Variants in SNED1 observed in about 807,000 individuals in gnomAD.
The protein encoded by SNED1 is sushi, nidogen and EGF like domains 1, also known as sushi, nidogen and EGF-like domain-containing protein 1.
A neutral mutation model predicts 166.7 loss-of-function variants in SNED1; 81 were observed. The ratio of observed to expected loss-of-function variants is 0.49; its 90% confidence interval spans 0.41 to 0.58. SNED1 has a LOEUF of 0.58. Ranked by LOEUF, SNED1 falls within the 20% of genes least tolerant of loss-of-function variation. SNED1 has a pLI of 0.00. For synonymous variants in SNED1, 762 were observed against 822.0 expected (o/e 0.93, Z 1.25); for missense variants, 1,604 against 2,000.2 (o/e 0.80, Z 3.78).
chr2:241,016,188 A>ATT lies in SNED1; in HGVS notation c.214-14073_214-14072dup, dbSNP rs1181068532. 3.6e-3 allele frequency among the ~76,000 whole-genome samples: 250 copies of ATT among 68,666 alleles called. 9 individuals carry two copies. The highest frequency in any genetic ancestry group is 5.3e-3 in the Non-Finnish European group (190 of 35,702). The allele number at this position is 68,666 out of a possible 152,430, so 45.0% of individuals were successfully genotyped here. Reference sequence around the variant, plus strand: ...ACAAAAGCCCACTCTGTCATGGTGGATTTTTTTTTTTTTTTTTTTTTTTTG... The same window carrying ATT: ...ACAAAAGCCCACTCTGTCATGGTGGATTTTTTTTTTTTTTTTTTTTTTTTTTG... On this transcript the variant is annotated intron_variant, in intron 1 of 31. Transcript: ENST00000310397.
chr2:241,082,469 C>T (rs2063376036), intron 29 of SNED1, 105 bp downstream of exon 29: 2 of 786,628 alleles, frequency 2.5e-6, no homozygotes, highest in African/African-American at 3.4e-5. Context: ...GGGACGATGG[C>T]TGCAGTCACA....
chr2:241,023,490 A>G (rs1039060624), intron 1 of SNED1, among the ~76,000 whole-genome samples: 2 of 152,052 alleles, frequency 1.3e-5, no homozygotes, highest in Non-Finnish European at 2.9e-5. Context: ...GTGGTAAAAA[A>G]AAAAATGTTC....
rs1324994012 is a variant in SNED1 at position 241,087,482 on chromosome 2, C to G, written c.4205+7C>G. ...TCAAGAAGACCCCAAACAGGTGCCT[C>G]TGGGGAGCAGGCCCATGCCGTGTCC... On this transcript the variant is annotated splice_region_variant and intron_variant, in intron 30 of 31. Coordinates refer to ENST00000310397, the MANE Select transcript of SNED1 (RefSeq NM_001080437.3). The G allele has an allele frequency of 6.3e-7, 1 of 1,597,454 alleles. No homozygotes were observed. The highest frequency in any genetic ancestry group is 1.7e-5 in the Admixed American group (1 of 57,802).
chr2:241,022,271 T>G (rs2060797430), intron 1 of SNED1, among the ~76,000 whole-genome samples: 1 of 152,234 alleles, frequency 6.6e-6, no homozygotes, highest in Non-Finnish European at 1.5e-5. Context: ...TTGCCTATGC[T>G]TTTGGTGTCA....
intron 1 of SNED1, among the ~76,000 whole-genome samples, chr2:241,001,398 C>T (rs2060073363): frequency 6.6e-6 from 1 of 152,240 alleles, no homozygotes; most frequent in African/African-American, 2.4e-5. Flanking sequence ...CATGGAGTGG[C>T]CCCCTTTCCA....
intron 24 of SNED1, 21 bp downstream of exon 24, chr2:241,070,222 G>C (rs770786866): frequency 2.2e-5 from 35 of 1,584,870 alleles, no homozygotes; most frequent in Non-Finnish European, 2.8e-5. Context: ...TGGGCCCTGC[G>C]CGTGGGCGGG....
Position 241,049,002 on chromosome 2 carries a change from G to T in SNED1, c.1505-20G>T. ...GAAGACATGTGGAATATGGGATGGG[G>T]CTTCCTCCTTTCTCTCTAGAAATCA... On this transcript the variant is annotated intron_variant, in intron 10 of 31. Coordinates refer to ENST00000310397, the MANE Select transcript of SNED1 (RefSeq NM_001080437.3). The T allele has an allele frequency of 6.3e-7, 1 of 1,586,932 alleles. No homozygotes were observed. Among genetic ancestry groups the T allele is most frequent in the Non-Finnish European group, 8.6e-7 (1 of 1,161,144 alleles).
chr2:241,083,541 A>G (rs781114540), intron 29 of SNED1, among the ~76,000 whole-genome samples: 1 of 152,188 alleles, frequency 6.6e-6, no homozygotes, highest in Non-Finnish European at 1.5e-5. Context: ...TGTAGCAGGA[A>G]CACATATGAG....
chr2:241,047,855 CG>C (rs1221720575), intron 8 of SNED1, among the ~76,000 whole-genome samples: 3 of 132,320 alleles, frequency 2.3e-5, no homozygotes, highest in African/African-American at 8.6e-5. Flanking sequence ...TGTCCAATCC[CG>C]GGTGGCTTCT....
At chr2:241,055,917 C>T (rs1026907971) in intron 16 of SNED1, among the ~76,000 whole-genome samples, 2 of 152,198 alleles carry the variant, frequency 1.3e-5, no homozygotes, top group Non-Finnish European at 2.9e-5. Flanking sequence ...CAACCCAGCT[C>T]AACTCCTAAT....
intron 1 of SNED1, among the ~76,000 whole-genome samples, chr2:241,016,614 G>T (rs557834001): frequency 5.1e-4 from 78 of 152,232 alleles, no homozygotes; most frequent in African/African-American, 1.8e-3. Flanking sequence ...TACTGTCTTT[G>T]TTAAATTTTA....
chr2:241,064,902 C>T lies in SNED1; in HGVS notation c.2658C>T (p.Asn886=), dbSNP rs371980961. 1.0e-3 allele frequency: 1,663 copies of T among 1,584,012 alleles called. 1 individual carries two copies. The highest frequency in any genetic ancestry group is 1.3e-3 in the Non-Finnish European group (1,541 of 1,171,414). The part of the protein sequence containing the change: ...CGGRGYCLAS[N]GSHSCTCKVG... The stretch of plus-strand genomic sequence containing the variant: ...GCCGTGGCTATTGCCTGGCCAGCAA[C>T]GGCTCCCACAGCTGCACCTGCAAAG... Residue 886 remains asparagine, a synonymous_variant, in exon 20 of 32, where the codon AAC becomes AAT. Coordinates refer to ENST00000310397, the MANE Select transcript of SNED1 (RefSeq NM_001080437.3). The surrounding 1 kb of genome is among the most constrained non-coding windows in gnomAD (Gnocchi z 7.0).
intron 1 of SNED1, among the ~76,000 whole-genome samples, chr2:241,008,113 T>G (rs2060277860): frequency 6.6e-6 from 1 of 152,208 alleles, no homozygotes; most frequent in Non-Finnish European, 1.5e-5. Flanking sequence ...CTCTGACAGG[T>G]CCGGACCACG....
chr2:241,068,829 C>CT lies in SNED1; in HGVS notation c.3195-81dup. On this transcript the variant is annotated intron_variant, in intron 22 of 31. Transcript: ENST00000310397. This position sits in a 1 kb window ranked among gnomAD's most constrained non-coding sequence, Gnocchi z 5.3. ...TGACCTCCCCGCAGTCACCTCCTGC[C>CT]TGGGGGAGCTGCGGTCTGGCAGCAG... is the stretch of plus-strand genomic sequence containing the variant. The CT allele has an allele frequency of 1.0e-6, 1 of 976,856 alleles. No individual in the cohort carries two copies. Among genetic ancestry groups the CT allele is most frequent in the South Asian group, 1.6e-5 (1 of 61,558 alleles). 60.5% of individuals were successfully genotyped at this position (976,856 alleles called of 1,614,324 possible).
At chr2:241,011,701 C>A (rs992967827) in intron 1 of SNED1, among the ~76,000 whole-genome samples, 10 of 152,234 alleles carry the variant, frequency 6.6e-5, no homozygotes, top group Non-Finnish European at 1.5e-4. Flanking sequence ...AGGAGAGGGA[C>A]CCCAGTGCTG....
At chr2:241,044,092 T>C (rs763963196) in intron 8 of SNED1, among the ~76,000 whole-genome samples, 1 of 151,888 alleles carries the variant, frequency 6.6e-6, no homozygotes, top group Admixed American at 6.6e-5. Context: ...ATTGTGGAGA[T>C]AGAAATTGAA....
chr2:241,054,713 T>A (rs751460613), intron 16 of SNED1, among the ~76,000 whole-genome samples: 2 of 152,206 alleles, frequency 1.3e-5, no homozygotes, highest in Non-Finnish European at 2.9e-5. Context: ...ATAGTTGAAA[T>A]AACAGACATA....
chr2:241,073,314 G>C lies in SNED1; in HGVS notation c.3866G>C (p.Arg1289Pro). 5 of 1,573,874 alleles carry C rather than the reference G, an allele frequency of 3.2e-6. No homozygotes were observed. Among genetic ancestry groups the C allele is most frequent in the South Asian group, 1.2e-5 (1 of 85,346 alleles). Residue 1289 changes from arginine to proline, a missense_variant, in exon 27 of 32, where the codon CGG becomes CCG. Transcript: ENST00000310397. The surrounding 1 kb of genome is among the most constrained non-coding windows in gnomAD (Gnocchi z 6.6). ...GAGAACATGGAGGAAGCCCCCAAGC[G>C]GGTCAGCCTGGCCCTCCAGCTCCCT... ...QLENMEEAPK[R>P]VSLALQLPEH... is the part of the protein sequence containing the mutation.
chr2:241,065,460 G>A lies in SNED1; in HGVS notation c.2875G>A (p.Asp959Asn), dbSNP rs747052368. 76 of 1,612,946 alleles carry A rather than the reference G, an allele frequency of 4.7e-5. 2 individuals carry two copies. The South Asian group carries it at 5.6e-4, about 12-fold the overall frequency. Residue 959 changes from aspartate (D) to asparagine (N), a missense_variant, in exon 21 of 32, where the codon GAC (aspartate) becomes AAC (asparagine). By Grantham distance (23) the Asp-to-Asn change is conservative. Coordinates refer to ENST00000310397, the MANE Select transcript of SNED1 (RefSeq NM_001080437.3). ...CTCCTACCGCCGCACAGACTTTGTG[G>A]ACAGGACCCGCTCCTCGCACCAGCT... ...DGSYRRTDFV[D>N]RTRSSHQLQA...
Sources: gnomAD v4.1 joint callset for allele counts (sites outside exome capture counted in the v4.1 genomes callset) on GRCh38, gnomAD v4.1.1 for gene constraint, Gnocchi (gnomAD v3.1) non-coding constraint, MANE v1.5 for transcripts, NCBI Gene and HGNC (gene_info 2026-07-23, HGNC 2026-07-21) for gene names.